FRMD6: variants seen among roughly 807,000 people sequenced by gnomAD.
FRMD6 encodes the protein FERM domain containing 6.
Under a neutral mutation model 73.2 loss-of-function variants are expected in FRMD6, and 37 were observed. The observed-to-expected ratio is 0.51, with a 90% CI of 0.39 to 0.66. The LOEUF (loss-of-function observed/expected upper bound fraction) is 0.66. FRMD6 is among the 30% of genes least tolerant of loss of function. FRMD6 has a pLI of 0.00. For missense variants in FRMD6, 714 were observed against 780.5 expected, an observed-to-expected ratio of 0.91 and a Z score of 1.02; for synonymous variants, 273 against 282.2, an observed-to-expected ratio of 0.97 and a Z score of 0.33.
chr14:51,701,830 G>A (rs1219944809), intron 4 of FRMD6, among the ~76,000 whole-genome samples: 3 of 151,724 alleles, frequency 2.0e-5, no homozygotes, highest in African/African-American at 7.3e-5. Flanking sequence ...TGTTCTAGAA[G>A]TTATTACTAA....
rs1408732433 is a variant in FRMD6, at chr14:51,729,278, A to G, written c.*1249A>G. ...GTTCTCCAGATGGAGCTAATATGCA[A>G]CAAAGTTGAAAACCACTGATCCTGG... On this transcript the variant is annotated 3_prime_UTR_variant, in exon 14 of 14. Coordinates refer to ENST00000344768, the MANE Select transcript of FRMD6 (RefSeq NM_001267046.2). 6.6e-6 allele frequency: 1 copy of G among 152,264 alleles called. No individual in the cohort carries two copies. Among genetic ancestry groups the G allele is most frequent in the Admixed American group, 6.5e-5 (1 of 15,278 alleles). The allele number at this position is 152,264 out of a possible 1,614,324, so 9.4% of individuals were successfully genotyped here.
At chr14:51,483,467 G>A in the FRMD6 span, among the ~76,000 whole-genome samples, 1 of 152,230 alleles carries the variant, frequency 6.6e-6, no homozygotes, top group Admixed American at 6.5e-5. Context: ...GCAGGCATGA[G>A]AAGCCCTGGA....
At chr14:51,565,640 G>A (rs941412004) in intron 1 of FRMD6, among the ~76,000 whole-genome samples, 4 of 152,106 alleles carry the variant, frequency 2.6e-5, no homozygotes, top group African/African-American at 9.7e-5. Context: ...GAATCACCAA[G>A]AGCTAGACAA....
chr14:51,419,892 G>A, the FRMD6 span, among the ~76,000 whole-genome samples: 1 of 152,118 alleles, frequency 6.6e-6, no homozygotes, highest in African/African-American at 2.4e-5. Context: ...GTACAGTCAT[G>A]TGACTTCCTG....
At chr14:51,586,641 T>C (rs1412065655) in intron 2 of FRMD6, among the ~76,000 whole-genome samples, 9 of 152,186 alleles carry the variant, frequency 5.9e-5, no homozygotes, top group African/African-American at 2.2e-4. Context: ...GCTAAAAAAT[T>C]ATTTGCCTTG....
rs185143050 is a variant in FRMD6, at chr14:51,518,326, A to G, written c.-210+28906A>G. 1.6e-4 allele frequency among the ~76,000 whole-genome samples: 25 copies of G among 152,350 alleles called. 1 individual carries two copies. The highest frequency in any genetic ancestry group is 2.9e-4 in the Non-Finnish European group (20 of 68,036). On this transcript the variant is annotated intron_variant, in intron 1 of 14. Transcript: ENST00000356218. ...AGAAATGTAGATTTAGATGTAGACCACCATCCATGGCACCCTGTAGGCAAG... is the reference window on the plus strand; with the variant it reads ...AGAAATGTAGATTTAGATGTAGACCGCCATCCATGGCACCCTGTAGGCAAG...
At chr14:51,429,604 C>T in the FRMD6 span, among the ~76,000 whole-genome samples, 1 of 152,228 alleles carries the variant, frequency 6.6e-6, no homozygotes, top group Admixed American at 6.5e-5. Flanking sequence ...TGATCCGTTT[C>T]CCCCATTTAA....
intron 13 of FRMD6, among the ~76,000 whole-genome samples, chr14:51,727,449 T>G (rs1898035345): frequency 1.3e-5 from 2 of 152,324 alleles, no homozygotes; most frequent in Admixed American, 1.3e-4. Flanking sequence ...ATGAGGAGAA[T>G]GATAGTGCCT....
chr14:51,689,987 C>G (rs1487560241), intron 2 of FRMD6, 52 bp downstream of exon 2: 2 of 1,120,064 alleles, frequency 1.8e-6, no homozygotes, highest in African/African-American at 3.1e-5. Context: ...TCACCAGTGG[C>G]CACATTCAAC....
At chr14:51,623,671 C>G (rs936270105) in intron 2 of FRMD6, among the ~76,000 whole-genome samples, 7 of 152,212 alleles carry the variant, frequency 4.6e-5, no homozygotes, top group Non-Finnish European at 7.3e-5. Context: ...CTGCCCCCCT[C>G]TCACCATTCA....
intron 3 of FRMD6, among the ~76,000 whole-genome samples, chr14:51,700,533 A>C (rs1896242031): frequency 6.6e-6 from 1 of 152,062 alleles, no homozygotes; most frequent in African/African-American, 2.4e-5. Context: ...TGTGTGGAAC[A>C]CGGACAAGAA....
rs1889402572 is a variant in FRMD6 at position 51,591,608 on chromosome 14, T to G, written c.-147+21198T>G. 2.0e-5 allele frequency among the ~76,000 whole-genome samples: 3 copies of G among 152,224 alleles called. No individual in the cohort carries two copies. In the South Asian group the frequency reaches 6.2e-4, roughly 32 times the overall value. ...AGACGGCTAGAGTGCAGTGGCGCAA[T>G]CTCAGCTCACTGCGACCTCTGCCTT... On this transcript the variant is annotated intron_variant, in intron 2 of 14. Coordinates refer to the FRMD6 transcript ENST00000356218.
intron 2 of FRMD6, chr14:51,575,775 G>A (rs572708557): frequency 1.3e-5 from 2 of 152,196 alleles, no homozygotes; most frequent in Non-Finnish European, 1.5e-5. Flanking sequence ...AACTCTCCGT[G>A]TCTCCTTTTC....
At chr14:51,708,372 T>A in intron 7 of FRMD6, 139 bp downstream of exon 7, 2 of 837,522 alleles carry the variant, frequency 2.4e-6, no homozygotes, top group Non-Finnish European at 3.6e-6. Flanking sequence ...TTCATTGAAC[T>A]GCTTTTTGTT....
chr14:51,491,810 T>C (rs1437715804), intron 1 of FRMD6, among the ~76,000 whole-genome samples: 1 of 152,210 alleles, frequency 6.6e-6, no homozygotes, highest in East Asian at 1.9e-4. Context: ...AGTACAGCTC[T>C]GTGAGGCGGA....
intron 1 of FRMD6, among the ~76,000 whole-genome samples, chr14:51,658,865 A>G (rs937399770): frequency 1.3e-5 from 2 of 152,254 alleles, no homozygotes; most frequent in African/African-American, 4.8e-5. Flanking sequence ...TAAGCTCATT[A>G]AAAAGGTGAA....
At chr14:51,626,285 G>T (rs1421547612) in intron 2 of FRMD6, among the ~76,000 whole-genome samples, 1 of 151,982 alleles carries the variant, frequency 6.6e-6, no homozygotes, top group Non-Finnish European at 1.5e-5. Flanking sequence ...ATTTTGGAGG[G>T]GTTGTCATTT....
At chr14:51,438,606 G>T in the FRMD6 span, among the ~76,000 whole-genome samples, 322 of 152,276 alleles carry the variant, frequency 2.1e-3, no homozygotes, top group Non-Finnish European at 3.7e-3. Context: ...AATGGGATTT[G>T]AATCATTCTG....
At chr14:51,693,092 A>C (rs1209294884) in intron 2 of FRMD6, among the ~76,000 whole-genome samples, 2 of 152,126 alleles carry the variant, frequency 1.3e-5, no homozygotes, top group Non-Finnish European at 2.9e-5. Context: ...GTAGTATGGA[A>C]GTGAAAACAC....
Sources: allele counts gnomAD v4.1 joint callset (sites outside exome capture counted in the v4.1 genomes callset), GRCh38; gene constraint gnomAD v4.1.1; transcripts MANE v1.5; gene names NCBI Gene and HGNC (gene_info 2026-07-23, HGNC 2026-07-21).